DCAF8: variants seen among roughly 807,000 people sequenced by gnomAD.
The protein encoded by DCAF8 is DDB1 and CUL4 associated factor 8.
In DCAF8, 20 loss-of-function variants were observed where a neutral mutation model predicts 68.0. The observed-to-expected ratio is 0.29, with a 90% CI of 0.21 to 0.43. DCAF8 has a LOEUF of 0.43. Among genes scored for constraint, DCAF8 ranks in the 20% least tolerant of loss-of-function variants. DCAF8 has a pLI of 1.00. For missense variants in DCAF8, 460 were observed against 771.0 expected (o/e 0.60, Z 4.78); for synonymous variants, 230 against 276.9 (o/e 0.83, Z 1.68).
At chr1:160,234,242 C>CAAAA (rs10660397) in intron 6 of DCAF8, among the ~76,000 whole-genome samples, 2 of 138,778 alleles carry the variant, frequency 1.4e-5, no homozygotes, top group Admixed American at 7.2e-5. Context: ...GACTGCACCT[C>CAAAA]AAAAAAAAAA....
chr1:160,218,538 T>A, intron 12 of DCAF8, 98 bp from the exon 13 acceptor site: 1 of 951,124 alleles, frequency 1.1e-6, no homozygotes. Context: ...AAGCTTCCCT[T>A]AAGTTGAAGT....
At chr1:160,244,578 G>GT (rs1656244714) in intron 2 of DCAF8, among the ~76,000 whole-genome samples, 1 of 151,562 alleles carries the variant, frequency 6.6e-6, no homozygotes, top group Non-Finnish European at 1.5e-5. Flanking sequence ...TGAGCTTTCT[G>GT]TTCACTCAGA....
chr1:160,239,548 T>C (rs1656018515), intron 4 of DCAF8, 149 bp downstream of exon 4: 1 of 1,567,904 alleles, frequency 6.4e-7, no homozygotes, highest in East Asian at 2.2e-5. Flanking sequence ...TTTCAGTGTA[T>C]TTAGGTCATT....
chr1:160,239,299 C>T, intron 4 of DCAF8: 1 of 1,154,408 alleles, frequency 8.7e-7, no homozygotes, highest in Non-Finnish European at 1.1e-6. Context: ...ATCCTCATAA[C>T]CCTATGTGTT....
chr1:160,245,502 T>C (rs1173050516), intron 2 of DCAF8, among the ~76,000 whole-genome samples: 4 of 152,190 alleles, frequency 2.6e-5, no homozygotes, highest in African/African-American at 9.6e-5. Context: ...TCATTAAAAG[T>C]ATCCTCTGTC....
chr1:160,224,207 CCTT>C (rs769490638), intron 10 of DCAF8, among the ~76,000 whole-genome samples: 13 of 152,218 alleles, frequency 8.5e-5, no homozygotes, highest in Non-Finnish European at 1.5e-4. Context: ...AGTCTAGCCT[CCTT>C]ATGTCCAAAC....
At chr1:160,258,938 T>C (rs1192136132) in intron 2 of DCAF8, among the ~76,000 whole-genome samples, 1 of 152,172 alleles carries the variant, frequency 6.6e-6, no homozygotes, top group Non-Finnish European at 1.5e-5. Context: ...TCACCCGACA[T>C]GGATCTTCAG....
chr1:160,240,941 G>C (rs1329377653), intron 3 of DCAF8, among the ~76,000 whole-genome samples: 13 of 152,150 alleles, frequency 8.5e-5, no homozygotes, highest in Non-Finnish European at 1.6e-4. Flanking sequence ...GAGGCACGTG[G>C]ATCACGAGGT....
intron 6 of DCAF8, among the ~76,000 whole-genome samples, chr1:160,233,019 AG>A (rs1655745658): frequency 6.6e-6 from 1 of 152,210 alleles, no homozygotes; most frequent in Non-Finnish European, 1.5e-5. Context: ...TTTACAGCAA[AG>A]GAAAGACTTC....
chr1:160,245,589 G>T (rs1050763687), intron 2 of DCAF8, among the ~76,000 whole-genome samples: 13 of 152,214 alleles, frequency 8.5e-5, no homozygotes, highest in African/African-American at 3.1e-4. Flanking sequence ...GGCTGAAGCT[G>T]ACTGAACTTC....
intron 3 of DCAF8, among the ~76,000 whole-genome samples, chr1:160,243,414 T>TC (rs1429669368): frequency 2.0e-5 from 3 of 151,380 alleles, no homozygotes; most frequent in Admixed American, 1.3e-4. Flanking sequence ...ACCTTTTTTT[T>TC]TTTTTTTTTT....
At chr1:160,259,864 A>T (rs75819532) in intron 2 of DCAF8, among the ~76,000 whole-genome samples, 1,611 of 152,308 alleles carry the variant, frequency 0.011, 18 homozygotes, top group Non-Finnish European at 0.015. Context: ...TTTGAAATAT[A>T]CATACACCAA....
At chr1:160,259,036 A>T (rs1656951565) in intron 2 of DCAF8, among the ~76,000 whole-genome samples, 1 of 152,230 alleles carries the variant, frequency 6.6e-6, no homozygotes, top group African/African-American at 2.4e-5. Flanking sequence ...TGGAGAATTT[A>T]GACCCTGGAT....
At chr1:160,233,127 T>C (rs1655749030) in intron 6 of DCAF8, among the ~76,000 whole-genome samples, 1 of 152,220 alleles carries the variant, frequency 6.6e-6, no homozygotes, top group Non-Finnish European at 1.5e-5. Context: ...AATATAACCA[T>C]GACAACAAGT....
rs376363619 is a variant in DCAF8, at chr1:160,252,753, G to A, written c.-27+8532C>T. Among the ~76,000 whole-genome samples, 38 of 152,260 alleles carry A rather than the reference G, an allele frequency of 2.5e-4. 1 individual carries two copies. In the South Asian group the frequency reaches 7.5e-3, roughly 30 times the overall value. On this transcript the variant is annotated intron_variant, in intron 2 of 13. Transcript: ENST00000368074. Reference sequence around the variant, plus strand: ...TTAAAAAGGGATCAACATGAGAATCGTTGTAAAGGTAGATAATGTTTAGCT... The same window carrying A: ...TTAAAAAGGGATCAACATGAGAATCATTGTAAAGGTAGATAATGTTTAGCT...
At chr1:160,239,412 T>C in intron 4 of DCAF8, 1 of 1,417,778 alleles carries the variant, frequency 7.1e-7, no homozygotes, top group South Asian at 1.6e-5. Flanking sequence ...TCAGGCAGTT[T>C]GGTTCAAGAG....
chr1:160,234,406 A>AC (rs147356608), intron 6 of DCAF8, among the ~76,000 whole-genome samples: 2,451 of 151,908 alleles, frequency 0.016, 59 homozygotes, highest in African/African-American at 0.056. Context: ...TTTCTCCTTT[A>AC]CCCCTCTTTA....
Position 160,239,736 on chromosome 1 carries a change from T to C in DCAF8, c.684A>G (p.Val228=), listed in dbSNP as rs1377509021. ...TTTTGTGGCCACTCTCAAAGTCCAG[T>C]ACTGGCTGCCGCCGTACCCAATCCC... ...VVWDWVRRQP[V]LDFESGHKSN... The change falls in exon 4 of 14, where the codon GTA becomes GTG. Residue 228 remains valine, a synonymous_variant. Coordinates refer to ENST00000368074, the MANE Select transcript of DCAF8 (RefSeq NM_015726.4). 3.1e-6 allele frequency: 5 copies of C among 1,614,174 alleles called. No individual in the cohort carries two copies. The South Asian group carries it at 3.3e-5, about 11-fold the overall frequency.
At chr1:160,250,955 C>A (rs187253660) in intron 2 of DCAF8, among the ~76,000 whole-genome samples, 3 of 152,090 alleles carry the variant, frequency 2.0e-5, no homozygotes, top group Admixed American at 2.0e-4. Context: ...GAAACATCAA[C>A]GTGTAAATAT....
Sources: allele counts gnomAD v4.1 joint callset (sites outside exome capture counted in the v4.1 genomes callset), GRCh38; gene constraint gnomAD v4.1.1; transcripts MANE v1.5; gene names NCBI Gene and HGNC (gene_info 2026-07-23, HGNC 2026-07-21).